The following CELF2 variants were observed in gnomAD, a reference collection of about 807,000 sequenced individuals.
The protein encoded by CELF2 is CUGBP Elav-like family member 2.
In CELF2, 8 loss-of-function variants were observed where a neutral mutation model predicts 62.6. The ratio of observed to expected loss-of-function variants is 0.13; its 90% CI spans 0.07 to 0.23. The LOEUF is 0.23. CELF2 is among the 10% of genes least tolerant of loss of function. CELF2 has a pLI of 1.00. For missense variants in CELF2, 333 were observed against 671.0 expected, an observed-to-expected ratio of 0.50 and a Z score of 5.56; for synonymous variants, 258 against 250.0, an observed-to-expected ratio of 1.03 and a Z score of -0.30.
the CELF2 span, among the ~76,000 whole-genome samples, chr10:10,730,160 G>A: frequency 6.6e-6 from 1 of 151,802 alleles, no homozygotes; most frequent in Non-Finnish European, 1.5e-5. Flanking sequence ...CCTCCACTGT[G>A]CTCACCAACA....
chr10:10,569,492 A>G, the CELF2 span, among the ~76,000 whole-genome samples: 4 of 152,188 alleles, frequency 2.6e-5, no homozygotes, highest in African/African-American at 9.7e-5. Flanking sequence ...TATGGGAGCT[A>G]CAATTCAAGA....
Position 11,300,028 on chromosome 10 carries a change from C to T in CELF2, c.976+11476C>T, listed in dbSNP as rs1374451216. Among the ~76,000 whole-genome samples, 1 of 152,224 alleles carries T rather than the reference C, an allele frequency of 6.6e-6. No homozygotes were observed. Among genetic ancestry groups the T allele is most frequent in the Non-Finnish European group, 1.5e-5 (1 of 68,046 alleles). Reference sequence around the variant, plus strand: ...ACTCTTCCAAACTCATGGCCCCACACTGCCTTTATGAGTGCCCGTCTTCAC... The same window carrying T: ...ACTCTTCCAAACTCATGGCCCCACATTGCCTTTATGAGTGCCCGTCTTCAC... On this transcript the variant is annotated intron_variant, in intron 9 of 12. Coordinates refer to ENST00000633077, the MANE Select transcript of CELF2 (RefSeq NM_001326342.2). This position sits in a 1 kb window ranked among gnomAD's most constrained non-coding sequence, Gnocchi z 5.5.
chr10:11,301,341 T>A (rs1173622366), intron 9 of CELF2, among the ~76,000 whole-genome samples: 1 of 150,042 alleles, frequency 6.7e-6, no homozygotes, highest in African/African-American at 2.4e-5. Flanking sequence ...GGAGCCCCTA[T>A]GCGGGCCCTG....
chr10:11,212,236 C>T (rs1159943422), intron 2 of CELF2, among the ~76,000 whole-genome samples: 1 of 152,184 alleles, frequency 6.6e-6, no homozygotes, highest in Non-Finnish European at 1.5e-5. Context: ...AGGGTGACAG[C>T]TGGGAAATGG....
intron 1 of CELF2, among the ~76,000 whole-genome samples, chr10:11,103,619 G>A (rs893828058): frequency 4.0e-5 from 6 of 151,446 alleles, no homozygotes; most frequent in African/African-American, 1.5e-4. Context: ...GATTATCTGA[G>A]ATAAACCACA....
the CELF2 span, among the ~76,000 whole-genome samples, chr10:10,739,090 T>C: frequency 6.6e-6 from 1 of 152,112 alleles, no homozygotes; most frequent in Admixed American, 6.6e-5. Flanking sequence ...TTATACAAAA[T>C]ATGTTACCAA....
intron 1 of CELF2, among the ~76,000 whole-genome samples, chr10:10,883,847 T>C (rs2133748292): frequency 6.6e-6 from 1 of 152,308 alleles, no homozygotes; most frequent in South Asian, 2.1e-4. Flanking sequence ...GAACAGATGA[T>C]GAGGGCTAGG....
intron 1 of CELF2, among the ~76,000 whole-genome samples, chr10:11,100,437 C>T (rs1196319529): frequency 1.3e-5 from 2 of 151,764 alleles, no homozygotes; most frequent in African/African-American, 2.4e-5. Flanking sequence ...AAGTCCTTAA[C>T]ATGCGTTATT....
Position 11,112,816 on chromosome 10 carries a change from G to A in CELF2, c.75-52670G>A, listed in dbSNP as rs559621253. Among the ~76,000 whole-genome samples the A allele has an allele frequency of 6.6e-5, 10 of 152,310 alleles. No individual in the cohort carries two copies. The South Asian group carries it at 1.2e-3, about 19-fold the overall frequency. On this transcript the variant is annotated intron_variant, in intron 1 of 12. Transcript: ENST00000633077. ...CTTTGAAACGGAACCATGAGTAAAC[G>A]CAGTGCATTTCCACATGCGTAGCCC...
At chr10:11,005,282 GA>G (rs2055018482), upstream of CELF2, 17 of 1,596,054 alleles carry the variant, frequency 1.1e-5, no homozygotes, top group African/African-American at 1.1e-4. This position sits in a 1 kb window ranked among gnomAD's most constrained non-coding sequence, Gnocchi z 4.3. Flanking sequence ...GAGAGAGAGA[GA>G]GAGAGAGAGA....
chr10:11,176,967 G>A (rs765245800), intron 2 of CELF2, among the ~76,000 whole-genome samples: 17 of 152,134 alleles, frequency 1.1e-4, no homozygotes, highest in Non-Finnish European at 1.8e-4. Context: ...AGCATCCTGC[G>A]CTAACCATTG....
In CELF2 at chr10:11,039,877, A is replaced by G. The variant is rs1197546472; in HGVS notation, c.74+21714A>G. Among the ~76,000 whole-genome samples the G allele has an allele frequency of 1.3e-5, 2 of 152,200 alleles. No homozygotes were observed. Among genetic ancestry groups the G allele is most frequent in the Admixed American group, 6.5e-5 (1 of 15,280 alleles). ...ATTCCAGGTAACATTGGAATGTGGT[A>G]TGTGTTGGGGGTGGGATCTTCCTGT... On this transcript the variant is annotated intron_variant, in intron 1 of 12. Coordinates refer to ENST00000633077, the MANE Select transcript of CELF2 (RefSeq NM_001326342.2). The surrounding 1 kb of genome is among the most constrained non-coding windows in gnomAD (Gnocchi z 4.1).
chr10:10,548,830 G>A, the CELF2 span, among the ~76,000 whole-genome samples: 1 of 152,166 alleles, frequency 6.6e-6, no homozygotes, highest in Non-Finnish European at 1.5e-5. Flanking sequence ...GATTGGTAGA[G>A]CAATACATAG....
chr10:10,497,918 G>A, the CELF2 span, among the ~76,000 whole-genome samples: 343 of 152,290 alleles, frequency 2.3e-3, no homozygotes, highest in African/African-American at 2.5e-3. Context: ...ATAAATAGAC[G>A]AGGTGCAAAA....
At chr10:11,312,538 T>G (rs919421811) in intron 9 of CELF2, among the ~76,000 whole-genome samples, 4 of 152,244 alleles carry the variant, frequency 2.6e-5, no homozygotes, top group African/African-American at 9.6e-5. Flanking sequence ...TAAGTAACTT[T>G]GATTTTCATA....
At chr10:10,753,297 C>CTG in the CELF2 span, among the ~76,000 whole-genome samples, 1 of 66,492 alleles carries the variant, frequency 1.5e-5, no homozygotes, top group African/African-American at 6.2e-5. Flanking sequence ...ATTTCCAAAG[C>CTG]TCTGTGTGTG....
chr10:10,518,585 G>C, the CELF2 span, among the ~76,000 whole-genome samples: 3 of 152,150 alleles, frequency 2.0e-5, no homozygotes, highest in Admixed American at 2.0e-4. Context: ...TATTAACCAA[G>C]ATGCAGTAAA....
chr10:10,697,635 C>T, the CELF2 span, among the ~76,000 whole-genome samples: 41 of 152,246 alleles, frequency 2.7e-4, no homozygotes, highest in African/African-American at 8.9e-4. Flanking sequence ...GACTGCCAAT[C>T]GGTAGCTGCA....
chr10:11,236,110 C>T (rs1391967658), intron 3 of CELF2, among the ~76,000 whole-genome samples: 1 of 152,140 alleles, frequency 6.6e-6, no homozygotes, highest in South Asian at 2.1e-4. Context: ...ACGTGGCTGG[C>T]AAAGCAACTC....
Sources: gnomAD v4.1 joint callset for allele counts (sites outside exome capture counted in the v4.1 genomes callset) on GRCh38, gnomAD v4.1.1 for gene constraint, Gnocchi (gnomAD v3.1) non-coding constraint, MANE v1.5 for transcripts, NCBI Gene and HGNC (gene_info 2026-07-23, HGNC 2026-07-21) for gene names.